The following ZNF443 variants were observed in gnomAD, a reference collection of about 807,000 sequenced individuals.
The protein encoded by ZNF443 is Kruppel-type zinc finger (C2H2).
In ZNF443, 3 loss-of-function variants were observed where a neutral mutation model predicts 12.0. The ratio of observed to expected loss-of-function variants is 0.25; its 90% CI spans 0.11 to 0.64. ZNF443 has a LOEUF of 0.64. Ranked by LOEUF, ZNF443 falls within the 30% of genes least tolerant of loss-of-function variation. ZNF443 has a pLI of 0.84. For synonymous variants in ZNF443, 225 were observed against 265.9 expected (o/e 0.85, Z 1.50); for missense variants, 770 against 808.8 (o/e 0.95, Z 0.58).
intron 1 of ZNF443, among the ~76,000 whole-genome samples, chr19:12,437,158 A>C (rs1243907824): frequency 6.6e-6 from 1 of 152,146 alleles, no homozygotes. Context: ...GAGATGCAAG[A>C]CAGGAGGATT....
chr19:12,440,044 T>C (rs960239084), intron 1 of ZNF443, among the ~76,000 whole-genome samples: 1 of 151,690 alleles, frequency 6.6e-6, no homozygotes, highest in African/African-American at 2.4e-5. Context: ...GGGGAAACGG[T>C]CGCCCTTGGA....
chr19:12,430,513 A>G lies in ZNF443; in HGVS notation c.1659T>C (p.Ile553=), dbSNP rs1184111432. 6.2e-7 allele frequency: 1 copy of G among 1,614,144 alleles called. No homozygotes were observed. The highest frequency in any genetic ancestry group is 1.1e-5 in the South Asian group (1 of 91,076). ...HYDNLKVHER[I]HSGEKPYECK... The stretch of plus-strand genomic sequence containing the variant: ...ATTCATACGGCTTCTCTCCAGAGTG[A>G]ATTCTTTCATGTACCTTTAAGTTAT... Residue 553 remains isoleucine (I), a synonymous_variant, in exon 4 of 4, where the codon ATT becomes ATC. Transcript: ENST00000301547.
At position 12,430,019 on chromosome 19, in the gene ZNF443, A is replaced by G. The variant is rs1568236516; in HGVS notation, c.*137T>C. The G allele has an allele frequency of 1.3e-6, 2 of 1,510,648 alleles. No individual in the cohort carries two copies. Among genetic ancestry groups the G allele is most frequent in the Non-Finnish European group, 1.8e-6 (2 of 1,119,592 alleles). The allele number at this position is 1,510,648 out of a possible 1,614,324, so 93.6% of individuals were successfully genotyped here. ...AGGTATCAAGGGATGACTGTACTGG[A>G]AAGAAACTGAAACTACTTAAGGCTT... On this transcript the variant is annotated 3_prime_UTR_variant, in exon 4 of 4. Coordinates refer to ENST00000301547, the MANE Select transcript of ZNF443 (RefSeq NM_005815.5).
rs756281898 is a variant in ZNF443 at position 12,431,802 on chromosome 19, C to T, written c.370G>A (p.Val124Ile). 2 of 1,614,150 alleles carry T rather than the reference C, an allele frequency of 1.2e-6. No individual in the cohort carries two copies. Among genetic ancestry groups the T allele is most frequent in the Non-Finnish European group, 1.7e-6 (2 of 1,180,004 alleles). ...GHSSLNCYIRVGAGHKPHEYH... is the reference protein window; with the variant it reads ...GHSSLNCYIRIGAGHKPHEYH... Reference sequence around the variant, plus strand: ...TCATGTGGTTTGTGCCCAGCACCAACTCTGATGTAACAATTAAGGGATGAA... The same window carrying T: ...TCATGTGGTTTGTGCCCAGCACCAATTCTGATGTAACAATTAAGGGATGAA... The change falls in exon 4 of 4, where the codon GTT becomes ATT. Residue 124 changes from valine to isoleucine, a missense_variant. Transcript: ENST00000301547.
chr19:12,440,555 C>T (rs1014547671), intron 1 of ZNF443, among the ~76,000 whole-genome samples: 1 of 152,220 alleles, frequency 6.6e-6, no homozygotes, highest in Non-Finnish European at 1.5e-5. Context: ...GTGTCCTCCC[C>T]TCTCCTCCTG....
intron 1 of ZNF443, among the ~76,000 whole-genome samples, chr19:12,433,659 G>A (rs1405753713): frequency 6.6e-6 from 1 of 152,044 alleles, no homozygotes; most frequent in Non-Finnish European, 1.5e-5. Flanking sequence ...TAACAGGGGT[G>A]GAGTGTGCCT....
chr19:12,436,750 TACAC>T (rs59579956), intron 1 of ZNF443, among the ~76,000 whole-genome samples: 40,085 of 118,708 alleles, frequency 0.34, 5,895 homozygotes, highest in Non-Finnish European at 0.4. Flanking sequence ...ATTCAGATCA[TACAC>T]ACACACACAC....
chr19:12,431,619 G>C lies in ZNF443; in HGVS notation c.553C>G (p.Gln185Glu), dbSNP rs1444872678. The change falls in exon 4 of 4, where the codon CAA becomes GAA. Residue 185 changes from glutamine to glutamate, a missense_variant. Gln to Glu is a conservative substitution (Grantham distance 29). Coordinates refer to ENST00000301547, the MANE Select transcript of ZNF443 (RefSeq NM_005815.5). ...GKSFSSLGNL[Q>E]RHMAVQRGDG... ...CCACGCTGCACTGCCATGTGTCTTTGAAGGTTTCCCAAAGAACTGAAGGAC... is the reference window on the plus strand; with the variant it reads ...CCACGCTGCACTGCCATGTGTCTTTCAAGGTTTCCCAAAGAACTGAAGGAC... The C allele has an allele frequency of 6.2e-7, 1 of 1,614,148 alleles. No homozygotes were observed. Among genetic ancestry groups the C allele is most frequent in the South Asian group, 1.1e-5 (1 of 91,072 alleles).
At position 12,441,002 on chromosome 19, in the gene ZNF443, C is replaced by A. The variant is rs1970360194; in HGVS notation, c.-88G>T. The A allele has an allele frequency of 6.2e-7, 1 of 1,609,594 alleles. No individual in the cohort carries two copies. The highest frequency in any genetic ancestry group is 2.2e-5 in the East Asian group (1 of 44,840). On this transcript the variant is annotated 5_prime_UTR_variant, in exon 1 of 4. Transcript: ENST00000301547. ...CCAGACAAAGGCTGCCTCAGAACTT[C>A]CAGGTCGTCTCTCAGCTACAGAACC...
chr19:12,438,842 A>G (rs1389223359), intron 1 of ZNF443, among the ~76,000 whole-genome samples: 3 of 152,200 alleles, frequency 2.0e-5, no homozygotes, highest in Non-Finnish European at 2.9e-5. Flanking sequence ...CTGAAGTCCG[A>G]CTCTTTCCAA....
intron 1 of ZNF443, among the ~76,000 whole-genome samples, chr19:12,440,588 C>G (rs1032617167): frequency 2.8e-5 from 4 of 145,194 alleles, no homozygotes; most frequent in African/African-American, 9.8e-5. Context: ...TGCTGCAGCC[C>G]TCGGCGTCTC....
At chr19:12,432,239 T>G in intron 3 of ZNF443, 138 bp downstream of exon 3, 3 of 752,524 alleles carry the variant, frequency 4.0e-6, no homozygotes, top group Non-Finnish European at 6.6e-6. Flanking sequence ...AACATTTAAG[T>G]ATATATTTTG....
At chr19:12,435,087 C>G (rs546998042) in intron 1 of ZNF443, among the ~76,000 whole-genome samples, 2 of 151,438 alleles carry the variant, frequency 1.3e-5, no homozygotes, top group Non-Finnish European at 2.9e-5. Flanking sequence ...AAGCAATTCT[C>G]CTGCCTCAGC....
chr19:12,432,237 A>C, intron 3 of ZNF443, 140 bp downstream of exon 3: 1 of 741,490 alleles, frequency 1.3e-6, no homozygotes, highest in Non-Finnish European at 2.2e-6. Context: ...GGAACATTTA[A>C]GTATATATTT....
At chr19:12,438,746 C>T (rs1035600518) in intron 1 of ZNF443, among the ~76,000 whole-genome samples, 37 of 152,060 alleles carry the variant, frequency 2.4e-4, no homozygotes, top group African/African-American at 7.2e-4. Flanking sequence ...TAAATAAAGG[C>T]TTTTAAAAAA....
rs1555691570 is a variant in ZNF443 at position 12,431,220 on chromosome 19, A to G, written c.952T>C (p.Phe318Leu). Reference protein sequence around the residue: ...PYTCKQCGKAFSVSGSLQRHE... With the variant: ...PYTCKQCGKALSVSGSLQRHE... ...CTTTGAAGGGAACCGGAAACACTGA[A>G]GGCTTTCCCACATTGTTTACATGTA... The change falls in exon 4 of 4, where the codon TTC becomes CTC. Residue 318 changes from phenylalanine (F) to leucine (L), a missense_variant. Around this residue, in one of 3 missense-constraint regions of ZNF443, gnomAD observed 736 missense variants for 689.4 expected, o/e 1.07. Transcript: ENST00000301547. The G allele has an allele frequency of 6.2e-7, 1 of 1,613,864 alleles. No homozygotes were observed. Among genetic ancestry groups the G allele is most frequent in the Non-Finnish European group, 8.5e-7 (1 of 1,179,918 alleles).
chr19:12,434,647 A>C (rs1266274459), intron 1 of ZNF443, among the ~76,000 whole-genome samples: 1 of 152,138 alleles, frequency 6.6e-6, no homozygotes, highest in Non-Finnish European at 1.5e-5. Flanking sequence ...CTTTCCAAAA[A>C]CAAAGAATTT....
chr19:12,440,263 G>A (rs1393358358), intron 1 of ZNF443, among the ~76,000 whole-genome samples: 2 of 144,502 alleles, frequency 1.4e-5, no homozygotes, highest in East Asian at 2.0e-4. Context: ...CCGCCTCCCT[G>A]AGAGTCAGGT....
Position 12,431,015 on chromosome 19 carries a change from G to C in ZNF443, c.1157C>G (p.Thr386Ser). ...CPSSLQSHER[T>S]HTGEKPYECK... ...TTCATAGGGTTTCTCTCCAGTGTGA[G>C]TTCTTTCATGACTTTGCAGTGAACT... Residue 386 changes from threonine to serine, a missense_variant, in exon 4 of 4, where the codon ACT becomes AGT. Coordinates refer to ENST00000301547, the MANE Select transcript of ZNF443 (RefSeq NM_005815.5). 2 of 1,613,946 alleles carry C rather than the reference G, an allele frequency of 1.2e-6. No individual in the cohort carries two copies. Among genetic ancestry groups the C allele is most frequent in the Non-Finnish European group, 1.7e-6 (2 of 1,179,886 alleles).
Sources: allele counts gnomAD v4.1 joint callset (sites outside exome capture counted in the v4.1 genomes callset), GRCh38; gene constraint gnomAD v4.1.1; regional missense constraint gnomAD v4.1.1; transcripts MANE v1.5; gene names NCBI Gene and HGNC (gene_info 2026-07-23, HGNC 2026-07-21).